GAP43: variants seen among roughly 807,000 people sequenced by gnomAD.
GAP43 encodes neuromodulin.
Under a neutral mutation model 18.6 loss-of-function variants are expected in GAP43, and 6 were observed. That is an observed-to-expected ratio of 0.32 (90% CI 0.18 to 0.64). GAP43 has a LOEUF of 0.64. Among genes scored for constraint, GAP43 ranks in the 30% least tolerant of loss-of-function variants. The probability of loss-of-function intolerance (pLI) is 0.78; values close to 1 mark genes in which losing one functional copy is unlikely to be tolerated. For missense variants in GAP43, 292 were observed against 295.5 expected, an observed-to-expected ratio of 0.99 and a Z score of 0.09; for synonymous variants, 115 against 111.4, an observed-to-expected ratio of 1.03 and a Z score of -0.20.
intron 2 of GAP43, among the ~76,000 whole-genome samples, chr3:115,689,154 C>T (rs976851491): frequency 2.6e-5 from 4 of 152,230 alleles, no homozygotes; most frequent in Non-Finnish European, 2.9e-5. Flanking sequence ...ACAAGTCTTC[C>T]CTGACCATTT....
intron 1 of GAP43, among the ~76,000 whole-genome samples, chr3:115,624,950 G>C (rs751060044): frequency 4.0e-4 from 61 of 151,510 alleles, no homozygotes; most frequent in Non-Finnish European, 6.6e-4. Context: ...TTCGCAGACT[G>C]ATTGCCTTAG....
chr3:115,706,511 A>T lies in GAP43; in HGVS notation c.629-14283A>T, dbSNP rs1047851968. 2.6e-5 allele frequency among the ~76,000 whole-genome samples: 4 copies of T among 152,298 alleles called. No individual in the cohort carries two copies. The South Asian group carries it at 6.2e-4, about 24-fold the overall frequency. ...TTGTTTGTTTAATCAACTGGCTGCTATTCTTTAGATGTGAAATAGAGAAGG... is the reference window on the plus strand; with the variant it reads ...TTGTTTGTTTAATCAACTGGCTGCTTTTCTTTAGATGTGAAATAGAGAAGG... On this transcript the variant is annotated intron_variant, in intron 2 of 2. Coordinates refer to ENST00000305124, the MANE Select transcript of GAP43 (RefSeq NM_002045.4).
At chr3:115,627,632 G>T (rs919229476) in intron 1 of GAP43, among the ~76,000 whole-genome samples, 3 of 152,084 alleles carry the variant, frequency 2.0e-5, no homozygotes, top group Non-Finnish European at 2.9e-5. Flanking sequence ...AGTAAGACAA[G>T]TCTTCCTCTA....
chr3:115,688,057 C>T (rs189148853), intron 2 of GAP43, among the ~76,000 whole-genome samples: 14 of 152,102 alleles, frequency 9.2e-5, no homozygotes, highest in Non-Finnish European at 2.1e-4. Flanking sequence ...CACTCTATCA[C>T]CCAGACTGGA....
intron 1 of GAP43, among the ~76,000 whole-genome samples, chr3:115,663,357 T>C (rs1368698369): frequency 2.0e-5 from 3 of 152,188 alleles, no homozygotes; most frequent in Non-Finnish European, 2.9e-5. Flanking sequence ...TACCACCTGC[T>C]CAATCCCTTC....
At position 115,644,479 on chromosome 3, in the gene GAP43, C is replaced by G. The variant is rs1231120312; in HGVS notation, c.30+20760C>G. 6.6e-6 allele frequency among the ~76,000 whole-genome samples: 1 copy of G among 151,974 alleles called. No individual in the cohort carries two copies. Among genetic ancestry groups the G allele is most frequent in the East Asian group, 1.9e-4 (1 of 5,158 alleles). ...ACTGAATAAGACAGAGCATCCATTC[C>G]ACACCCTATTTCCATTCCCAGTTAA... is the stretch of plus-strand genomic sequence containing the variant. On this transcript the variant is annotated intron_variant, in intron 1 of 2. Transcript: ENST00000305124. This position sits in a 1 kb window ranked among gnomAD's most constrained non-coding sequence, Gnocchi z 4.2.
intron 1 of GAP43, among the ~76,000 whole-genome samples, chr3:115,642,085 T>C (rs760342826): frequency 6.6e-6 from 1 of 152,096 alleles, no homozygotes; most frequent in Non-Finnish European, 1.5e-5. Flanking sequence ...ATGTCAGTGC[T>C]ACTCTTTTCA....
At chr3:115,640,718 A>T (rs1348477477) in intron 1 of GAP43, among the ~76,000 whole-genome samples, 1 of 152,082 alleles carries the variant, frequency 6.6e-6, no homozygotes, top group East Asian at 1.9e-4. Flanking sequence ...GAACTAAGAA[A>T]GGGGTTTCCC....
rs187097778 is a variant in GAP43 at position 115,676,524 on chromosome 3, C to A, written c.542C>A (p.Thr181Asn). 1.2e-6 allele frequency: 2 copies of A among 1,613,850 alleles called. No homozygotes were observed. The highest frequency in any genetic ancestry group is 2.2e-5 in the East Asian group (1 of 44,876). Reference protein sequence around the residue: ...PAAVTAAAATTPAAEDAAAKA... With the variant: ...PAAVTAAAATNPAAEDAAAKA... ...GCTGTCACTGCTGCTGCTGCCACCA[C>A]CCCTGCCGCAGAGGATGCTGCTGCC... The change falls in exon 2 of 3, where the codon ACC becomes AAC. Residue 181 changes from threonine (T) to asparagine (N), a missense_variant. Physicochemically the swap from Thr to Asn is moderately conservative, Grantham distance 65 (BLOSUM62 0). Coordinates refer to ENST00000305124, the MANE Select transcript of GAP43 (RefSeq NM_002045.4).
intron 1 of GAP43, chr3:115,658,622 C>G (rs1708617163): frequency 6.6e-6 from 1 of 152,192 alleles, no homozygotes; most frequent in Non-Finnish European, 1.5e-5. Flanking sequence ...GCCCGCTGCA[C>G]GGAGAGCCCC....
intron 2 of GAP43, among the ~76,000 whole-genome samples, chr3:115,704,015 A>G (rs1453678593): frequency 1.3e-5 from 2 of 152,100 alleles, no homozygotes; most frequent in Non-Finnish European, 2.9e-5. Flanking sequence ...TTTACTCAAA[A>G]GCAGCACCAT....
At position 115,630,543 on chromosome 3, in the gene GAP43, C is replaced by T. The variant is rs77633169; in HGVS notation, c.30+6824C>T. ...TTTCCATGAAAACACTCTTGCCAGA[C>T]GCTAAGTAGTGTATTTTCTCTGACT... On this transcript the variant is annotated intron_variant, in intron 1 of 2. Transcript: ENST00000305124. 2.6e-4 allele frequency among the ~76,000 whole-genome samples: 40 copies of T among 152,260 alleles called. 2 individuals are homozygous for T. The East Asian group carries it at 6.2e-3, about 24-fold the overall frequency.
At chr3:115,629,738 T>C (rs891138308) in intron 1 of GAP43, among the ~76,000 whole-genome samples, 9 of 152,194 alleles carry the variant, frequency 5.9e-5, no homozygotes, top group African/African-American at 2.2e-4. Flanking sequence ...CCATAATACT[T>C]GGTACATAAA....
chr3:115,646,102 A>G (rs558483227), intron 1 of GAP43, among the ~76,000 whole-genome samples: 1 of 152,268 alleles, frequency 6.6e-6, no homozygotes, highest in East Asian at 1.9e-4. Context: ...TTCTTAAACC[A>G]TGATCTAAGA....
At chr3:115,688,651 G>T (rs1381681228) in intron 2 of GAP43, among the ~76,000 whole-genome samples, 1 of 152,116 alleles carries the variant, frequency 6.6e-6, no homozygotes, top group Non-Finnish European at 1.5e-5. Flanking sequence ...GGGCAATGGG[G>T]CCAATTCTTA....
intron 1 of GAP43, among the ~76,000 whole-genome samples, chr3:115,657,796 A>G (rs1708602400): frequency 6.6e-6 from 1 of 152,070 alleles, no homozygotes; most frequent in Admixed American, 6.5e-5. Context: ...AGCTCAAGCA[A>G]TCCTCCCCAC....
At chr3:115,670,127 C>A (rs1708798086) in intron 1 of GAP43, among the ~76,000 whole-genome samples, 1 of 129,128 alleles carries the variant, frequency 7.7e-6, no homozygotes, top group African/African-American at 2.9e-5. Context: ...GGTATATCTC[C>A]CAATGCTATC....
intron 1 of GAP43, among the ~76,000 whole-genome samples, chr3:115,643,993 C>A (rs921588460): frequency 1.3e-5 from 2 of 152,074 alleles, no homozygotes; most frequent in Non-Finnish European, 2.9e-5. Flanking sequence ...CCTGCCTCCA[C>A]TTCCTTCCTG....
intron 1 of GAP43, among the ~76,000 whole-genome samples, chr3:115,669,069 TACAC>T (rs151338962): frequency 6.9e-6 from 1 of 145,460 alleles, no homozygotes; most frequent in African/African-American, 2.5e-5. Flanking sequence ...AAAGAAAAAG[TACAC>T]ACACACACAC....
Sources: allele counts gnomAD v4.1 joint callset (sites outside exome capture counted in the v4.1 genomes callset), GRCh38; gene constraint gnomAD v4.1.1; non-coding constraint Gnocchi (gnomAD v3.1); transcripts MANE v1.5; gene names NCBI Gene and HGNC (gene_info 2026-07-23, HGNC 2026-07-21).